Variants in ANKRD30BL observed in about 807,000 individuals in gnomAD.
The protein encoded by ANKRD30BL is putative ankyrin repeat domain-containing protein 30B-like.
ANKRD30BL carries 20 observed loss-of-function variants against 18.4 expected under a neutral mutation model. The observed-to-expected ratio is 1.09, with a 90% CI of 0.77 to 1.58. The LOEUF (loss-of-function observed/expected upper bound fraction) is 1.58, where lower values mean the gene tolerates loss of function less well. ANKRD30BL is among the 40% of genes most tolerant of loss of function. ANKRD30BL has a pLI of 0.00. For missense variants in ANKRD30BL, 224 were observed against 268.6 expected, an observed-to-expected ratio of 0.83 and a Z score of 1.16; for synonymous variants, 72 against 100.9, an observed-to-expected ratio of 0.71 and a Z score of 1.72.
At chr2:132,175,691 C>T (rs995181180) in intron 1 of ANKRD30BL, among the ~76,000 whole-genome samples, 1 of 152,236 alleles carries the variant, frequency 6.6e-6, no homozygotes, top group African/African-American at 2.4e-5. Flanking sequence ...CAATACCCGG[C>T]TTTCCAGGGC....
chr2:132,201,600 T>TCAC (rs1490613356), intron 1 of ANKRD30BL, among the ~76,000 whole-genome samples: 3 of 152,164 alleles, frequency 2.0e-5, no homozygotes, highest in African/African-American at 4.8e-5. Context: ...AGATACCTTC[T>TCAC]CACACCAGTT....
intron 4 of ANKRD30BL, among the ~76,000 whole-genome samples, chr2:132,153,932 CGTTCT>C (rs1687834050): frequency 6.6e-6 from 1 of 152,142 alleles, no homozygotes; most frequent in South Asian, 2.1e-4. Context: ...CAAGAAAATA[CGTTCT>C]GTTCACTAAT....
chr2:132,243,835 C>A (rs1293754894), intron 1 of ANKRD30BL, among the ~76,000 whole-genome samples: 1 of 152,232 alleles, frequency 6.6e-6, no homozygotes, highest in Non-Finnish European at 1.5e-5. Flanking sequence ...AGTTTTGAAA[C>A]ACTCTTTTTG....
At chr2:132,236,659 C>T (rs202099407) in intron 1 of ANKRD30BL, among the ~76,000 whole-genome samples, 4 of 151,890 alleles carry the variant, frequency 2.6e-5, no homozygotes, top group Non-Finnish European at 4.4e-5. Context: ...AAATAGGAAC[C>T]CTTTTACACT....
intron 1 of ANKRD30BL, among the ~76,000 whole-genome samples, chr2:132,210,421 G>C (rs138503206): frequency 1.3e-5 from 2 of 151,954 alleles, no homozygotes; most frequent in African/African-American, 4.8e-5. Flanking sequence ...TGTGATTTGT[G>C]CATTCAACAC....
At chr2:132,197,614 A>C (rs968220117) in intron 1 of ANKRD30BL, among the ~76,000 whole-genome samples, 3 of 151,712 alleles carry the variant, frequency 2.0e-5, no homozygotes, top group Non-Finnish European at 4.4e-5. Flanking sequence ...GTTTCTTATT[A>C]TCTTTCTTAA....
intron 1 of ANKRD30BL, among the ~76,000 whole-genome samples, chr2:132,223,056 A>G (rs62165532): frequency 1.4e-5 from 2 of 147,842 alleles, no homozygotes; most frequent in Non-Finnish European, 3.0e-5. Flanking sequence ...TTTAGTAGAA[A>G]CTGTAAGTGG....
chr2:132,222,233 G>C (rs1202850688), intron 1 of ANKRD30BL, among the ~76,000 whole-genome samples: 2 of 147,938 alleles, frequency 1.4e-5, no homozygotes, highest in Non-Finnish European at 3.0e-5. Flanking sequence ...CCCCCCGCCC[G>C]GCCAGCCGCC....
chr2:132,167,715 A>T (rs1052757257), intron 1 of ANKRD30BL, among the ~76,000 whole-genome samples: 1 of 152,130 alleles, frequency 6.6e-6, no homozygotes, highest in African/African-American at 2.4e-5. Flanking sequence ...TCTTTTAAAA[A>T]TTTGCGGTGG....
chr2:132,231,431 G>A (rs531273024), intron 1 of ANKRD30BL, among the ~76,000 whole-genome samples: 9 of 152,204 alleles, frequency 5.9e-5, no homozygotes, highest in Non-Finnish European at 1.2e-4. Context: ...GAGGTGCCAG[G>A]TTCATCTCAC....
At chr2:132,254,708 C>T (rs1680772825) in intron 1 of ANKRD30BL, among the ~76,000 whole-genome samples, 1 of 152,236 alleles carries the variant, frequency 6.6e-6, no homozygotes, top group African/African-American at 2.4e-5. Flanking sequence ...CATTTAAGGG[C>T]ATCACAGACC....
chr2:132,196,852 T>TA (rs1366230670), intron 1 of ANKRD30BL, among the ~76,000 whole-genome samples: 1 of 151,382 alleles, frequency 6.6e-6, no homozygotes, highest in African/African-American at 2.4e-5. Flanking sequence ...GAAAATTATA[T>TA]AAAAAAGAAG....
chr2:132,156,036 T>C, intron 3 of ANKRD30BL: 1 of 152,148 alleles, frequency 6.6e-6, no homozygotes, highest in Middle Eastern at 3.2e-3. Context: ...GTTTCTATTG[T>C]AATTGATACT....
At chr2:132,234,771 G>A (rs1457335480) in intron 1 of ANKRD30BL, among the ~76,000 whole-genome samples, 3 of 152,094 alleles carry the variant, frequency 2.0e-5, no homozygotes, top group Non-Finnish European at 4.4e-5. Flanking sequence ...GGAGGAACTG[G>A]TACCATTCCT....
intron 1 of ANKRD30BL, among the ~76,000 whole-genome samples, chr2:132,197,506 TG>T (rs1678992386): frequency 6.6e-6 from 1 of 152,062 alleles, no homozygotes; most frequent in African/African-American, 2.4e-5. Context: ...CCATTAGGTA[TG>T]TTTTTTGATC....
At chr2:132,239,279 C>T (rs1429205750) in intron 1 of ANKRD30BL, among the ~76,000 whole-genome samples, 5 of 151,802 alleles carry the variant, frequency 3.3e-5, no homozygotes, top group African/African-American at 7.2e-5. Context: ...TTGAGGATTT[C>T]GTTGGAAACG....
intron 1 of ANKRD30BL, among the ~76,000 whole-genome samples, chr2:132,245,453 A>T (rs1419594142): frequency 6.6e-6 from 1 of 151,080 alleles, no homozygotes; most frequent in Admixed American, 6.6e-5. Flanking sequence ...TTCACAGAAA[A>T]ACTAGACAGA....
chr2:132,229,061 T>C (rs1158260372), intron 1 of ANKRD30BL, among the ~76,000 whole-genome samples: 3 of 151,960 alleles, frequency 2.0e-5, no homozygotes, highest in Non-Finnish European at 2.9e-5. Flanking sequence ...GTATAATCTC[T>C]AAGTGGACAT....
intron 1 of ANKRD30BL, among the ~76,000 whole-genome samples, chr2:132,238,785 T>C (rs1275249734): frequency 6.6e-6 from 1 of 152,068 alleles, no homozygotes; most frequent in East Asian, 1.9e-4. Flanking sequence ...GAAACGGGAA[T>C]ATTTTCATAT....
Sources: allele counts gnomAD v4.1 joint callset (sites outside exome capture counted in the v4.1 genomes callset), GRCh38; gene constraint gnomAD v4.1.1; transcripts MANE v1.5; gene names NCBI Gene and HGNC (gene_info 2026-07-23, HGNC 2026-07-21).